The following PELO variants were observed in gnomAD, a reference collection of about 807,000 sequenced individuals.
PELO encodes protein pelota homolog.
PELO carries 19 observed loss-of-function variants against 25.9 expected under a neutral mutation model. The observed-to-expected ratio is 0.73, with a 90% CI of 0.51 to 1.08. PELO has a LOEUF of 1.08. Among genes scored for constraint, PELO ranks in the 50% least tolerant of loss-of-function variants. The pLI is 0.00. For missense variants in PELO, 498 were observed against 491.4 expected, an observed-to-expected ratio of 1.01 and a Z score of -0.13; for synonymous variants, 196 against 192.2, an observed-to-expected ratio of 1.02 and a Z score of -0.16.
In PELO at chr5:52,798,288, G is replaced by C. The variant is rs926328009; in HGVS notation, c.-510-1597G>C. On this transcript the variant is annotated intron_variant, in intron 1 of 2. Transcript: ENST00000274311. ...GGTGGGAAGAAGGAGGAAGTAAGGG[G>C]AGACATAGAGAGCGAGAAACAAAGA... Among the ~76,000 whole-genome samples, 18 of 152,118 alleles carry C rather than the reference G, an allele frequency of 1.2e-4. 1 individual carries two copies. In the East Asian group the frequency reaches 3.5e-3, roughly 29 times the overall value.
chr5:52,801,417 C>G lies in PELO; in HGVS notation c.735C>G (p.Ala245=). The G allele has an allele frequency of 6.2e-7, 1 of 1,611,102 alleles. No individual in the cohort carries two copies. The highest frequency in any genetic ancestry group is 1.3e-5 in the African/African-American group (1 of 74,896). The change falls in exon 3 of 3, where the codon GCC becomes GCG. Residue 245 remains alanine (A), a synonymous_variant. Coordinates refer to ENST00000274311, the MANE Select transcript of PELO (RefSeq NM_015946.5). The stretch of plus-strand genomic sequence containing the variant: ...TGTAATTGTGATTCTAGGTACATGC[C>G]TCCTCCGGACACAAGTACTCCCTGA... ...ENRSKFLQVH[A]SSGHKYSLKE... is the part of the protein sequence containing the mutation.
At position 52,799,959 on chromosome 5, in the gene PELO, C is replaced by T. The variant is rs1278467098; in HGVS notation, c.-436C>T. 9.5e-6 allele frequency: 2 copies of T among 209,668 alleles called. No homozygotes were observed. Among genetic ancestry groups the T allele is most frequent in the East Asian group, 1.4e-4 (1 of 7,024 alleles). 13.0% of individuals were successfully genotyped at this position (209,668 alleles called of 1,614,324 possible). A position where few individuals can be genotyped will look rare whatever the true frequency, so the allele number is the denominator to read the frequency against. ...AAGGACTCGCCACCACTCTGTGCACCTTCTTGAGGGAGTTCATTCGTCCGG... is the reference window on the plus strand; with the variant it reads ...AAGGACTCGCCACCACTCTGTGCACTTTCTTGAGGGAGTTCATTCGTCCGG... On this transcript the variant is annotated 5_prime_UTR_variant, in exon 2 of 3. Transcript: ENST00000274311.
At chr5:52,789,979 G>A (rs992070725) in intron 1 of PELO, among the ~76,000 whole-genome samples, 1 of 152,140 alleles carries the variant, frequency 6.6e-6, no homozygotes, top group African/African-American at 2.4e-5. Context: ...TAGAAACCTT[G>A]TGTGCACTAT....
In PELO at chr5:52,800,586, C is replaced by G; in HGVS notation, c.192C>G (p.Thr64=). The stretch of plus-strand genomic sequence containing the variant: ...TGGGCAGCAACCGGGTCCGCACTAC[C>G]CTCACTCTCTGCGTGGAGGCCATCG... ...GSVGSNRVRT[T]LTLCVEAIDF... Residue 64 remains threonine, a synonymous_variant, in exon 2 of 3, where the codon ACC becomes ACG. Coordinates refer to ENST00000274311, the MANE Select transcript of PELO (RefSeq NM_015946.5). 3 of 1,613,620 alleles carry G rather than the reference C, an allele frequency of 1.9e-6. No homozygotes were observed. The highest frequency in any genetic ancestry group is 1.1e-5 in the South Asian group (1 of 91,004).
Position 52,791,728 on chromosome 5 carries a change from TTC to T in PELO, c.-511+3316_-511+3317del, listed in dbSNP as rs530100924. Among the ~76,000 whole-genome samples, 447 of 98,104 alleles carry T rather than the reference TTC, an allele frequency of 4.6e-3. 5 individuals carry two copies. Among genetic ancestry groups the T allele is most frequent in the African/African-American group, 0.016 (414 of 25,588 alleles). 64.4% of individuals were successfully genotyped at this position (98,104 alleles called of 152,430 possible). Reference sequence around the variant, plus strand: ...TCACAAGCAGTCACAGATTTCTTTGTTCTTTTTTCACTCCCTCAGCTTGTTGA... The same window carrying T: ...TCACAAGCAGTCACAGATTTCTTTGTTTTTTTCACTCCCTCAGCTTGTTGA... On this transcript the variant is annotated intron_variant, in intron 1 of 2. Transcript: ENST00000274311.
In PELO at chr5:52,800,398, A is replaced by C; in HGVS notation, c.4A>C (p.Lys2Gln). The change falls in exon 2 of 3, where the codon AAG (lysine) becomes CAG (glutamine). Residue 2 changes from lysine (K) to glutamine (Q), a missense_variant. Coordinates refer to ENST00000274311, the MANE Select transcript of PELO (RefSeq NM_015946.5). M[K>Q]LVRKNIEKDN... ...TCAGTGAGCCCCTTCCTTGGCCATG[A>C]AGCTCGTGAGGAAGAACATCGAGAA... The C allele has an allele frequency of 6.2e-7, 1 of 1,613,812 alleles. No individual in the cohort carries two copies. The highest frequency in any genetic ancestry group is 8.5e-7 in the Non-Finnish European group (1 of 1,179,994).
intron 1 of PELO, among the ~76,000 whole-genome samples, chr5:52,793,950 T>C (rs914733355): frequency 6.6e-6 from 1 of 152,078 alleles, no homozygotes; most frequent in Non-Finnish European, 1.5e-5. Context: ...GTTGTGTATA[T>C]AGGAAGAAGA....
intron 1 of PELO, among the ~76,000 whole-genome samples, chr5:52,794,498 A>AACACAC (rs1276492389): frequency 1.3e-4 from 11 of 84,500 alleles, no homozygotes; most frequent in African/African-American, 4.6e-4. Flanking sequence ...TGCAAATAGA[A>AACACAC]ATACACACAC....
chr5:52,789,183 A>C (rs564044028), intron 1 of PELO, among the ~76,000 whole-genome samples: 23 of 152,226 alleles, frequency 1.5e-4, no homozygotes, highest in African/African-American at 5.1e-4. Context: ...CCAATAATGA[A>C]CTCATGGTCA....
intron 2 of PELO, 130 bp from the exon 3 acceptor site, chr5:52,801,279 C>A: frequency 8.8e-7 from 1 of 1,140,070 alleles, no homozygotes. Context: ...AAATGTCTAG[C>A]AAATTTATGG....
intron 1 of PELO, among the ~76,000 whole-genome samples, chr5:52,791,860 G>A (rs945270773): frequency 2.0e-5 from 3 of 152,054 alleles, no homozygotes; most frequent in Non-Finnish European, 4.4e-5. Flanking sequence ...AATTTCATTT[G>A]TCCAAAGTTG....
chr5:52,803,257 A>G lies in PELO; in HGVS notation c.*1417A>G, dbSNP rs1243782131. The G allele has an allele frequency of 6.6e-6, 1 of 152,176 alleles. No homozygotes were observed. Among genetic ancestry groups the G allele is most frequent in the Non-Finnish European group, 1.5e-5 (1 of 68,040 alleles). 9.4% of individuals were successfully genotyped at this position (152,176 alleles called of 1,614,324 possible). On this transcript the variant is annotated 3_prime_UTR_variant, in exon 3 of 3. Transcript: ENST00000274311. ...CTTCCCTATACTTTAAAACTCACAT[A>G]TGTATATTTTTGTACATCTATCTCC...
At chr5:52,799,212 GGCA>G (rs1748404456) in intron 1 of PELO, among the ~76,000 whole-genome samples, 1 of 152,180 alleles carries the variant, frequency 6.6e-6, no homozygotes, top group Admixed American at 6.5e-5. Flanking sequence ...CTCTTAAAGA[GGCA>G]ATCCCACTTC....
rs1396743847 is a variant in PELO, at chr5:52,800,764, C to A, written c.370C>A (p.Arg124Ser). 6.2e-7 allele frequency: 1 copy of A among 1,614,152 alleles called. No individual in the cohort carries two copies. The highest frequency in any genetic ancestry group is 8.5e-7 in the Non-Finnish European group (1 of 1,180,012). ...GCAGTGGGATAGTGTGGTACTGGAG[C>A]GCATCGAGCAGGCCTGTGACCCAGC... ...KKQWDSVVLE[R>S]IEQACDPAWS... The change falls in exon 2 of 3, where the codon CGC becomes AGC. Residue 124 changes from arginine to serine, a missense_variant. Arg to Ser is a moderately radical substitution (Grantham distance 110). Coordinates refer to ENST00000274311, the MANE Select transcript of PELO (RefSeq NM_015946.5).
rs1748267581 is a variant in PELO at position 52,792,821 on chromosome 5, G to A, written c.-511+4407G>A. Among the ~76,000 whole-genome samples the A allele has an allele frequency of 2.0e-5, 3 of 152,118 alleles. No homozygotes were observed. The South Asian group carries it at 6.2e-4, about 32-fold the overall frequency. ...AAGAAACTGAGATGAAAGATATTTT[G>A]AAACTGTTGCCACAGTGCTAAAGTC... On this transcript the variant is annotated intron_variant, in intron 1 of 2. Transcript: ENST00000274311.
intron 1 of PELO, among the ~76,000 whole-genome samples, chr5:52,792,308 A>C (rs1055640306): frequency 7.9e-5 from 12 of 152,180 alleles, no homozygotes; most frequent in African/African-American, 2.9e-4. Flanking sequence ...TATTCAAAAC[A>C]AAGAATGACT....
Position 52,800,488 on chromosome 5 carries a change from C to T in PELO, c.94C>T (p.Leu32Phe). The T allele has an allele frequency of 6.2e-7, 1 of 1,614,110 alleles. No individual in the cohort carries two copies. The highest frequency in any genetic ancestry group is 2.2e-5 in the East Asian group (1 of 44,872). The change falls in exon 2 of 3, where the codon CTC (leucine) becomes TTC (phenylalanine). Residue 32 changes from leucine to phenylalanine, a missense_variant. Physicochemically the swap from Leu to Phe is conservative, Grantham distance 22. Transcript: ENST00000274311. Reference protein sequence around the residue: ...EPEDMWHTYNLVQVGDSLRAS... With the variant: ...EPEDMWHTYNFVQVGDSLRAS... ...TGAGGACATGTGGCACACTTACAAC[C>T]TCGTGCAGGTGGGCGACAGCCTGCG...
rs1748496243 is a variant in PELO, at chr5:52,801,888, C to T, written c.*48C>T. ...CAATCTTGTGTTTCCTAAACTGTTA[C>T]AGTACATTTCTCAGCATCCTTGTGA... On this transcript the variant is annotated 3_prime_UTR_variant, in exon 3 of 3. Transcript: ENST00000274311. The T allele has an allele frequency of 7.3e-7, 1 of 1,371,344 alleles. No individual in the cohort carries two copies. Among genetic ancestry groups the T allele is most frequent in the African/African-American group, 1.4e-5 (1 of 69,408 alleles). The allele number at this position is 1,371,344 out of a possible 1,614,324, so 84.9% of individuals were successfully genotyped here.
Position 52,801,525 on chromosome 5 carries a change from C to G in PELO, c.843C>G (p.Phe281Leu), listed in dbSNP as rs754332528. Residue 281 changes from phenylalanine (F) to leucine (L), a missense_variant, in exon 3 of 3, where the codon TTC (phenylalanine) becomes TTG (leucine). Transcript: ENST00000274311. ...GGGAAGTCAAAGCCTTGGATGACTT[C>G]TATAAAATGTTACAGCATGAACCGG... is the stretch of plus-strand genomic sequence containing the variant. ...AAGEVKALDD[F>L]YKMLQHEPDR... 1 of 1,614,136 alleles carries G rather than the reference C, an allele frequency of 6.2e-7. No homozygotes were observed. Among genetic ancestry groups the G allele is most frequent in the East Asian group, 2.2e-5 (1 of 44,880 alleles).
Sources: allele counts gnomAD v4.1 joint callset (sites outside exome capture counted in the v4.1 genomes callset), GRCh38; gene constraint gnomAD v4.1.1; transcripts MANE v1.5; gene names NCBI Gene and HGNC (gene_info 2026-07-23, HGNC 2026-07-21).